NF1: variants seen among roughly 807,000 people sequenced by gnomAD.
NF1 encodes neurofibromin.
In NF1, 122 loss-of-function variants were observed where a neutral mutation model predicts 325.7. The ratio of observed to expected loss-of-function variants is 0.37; its 90% CI spans 0.32 to 0.44. The LOEUF (loss-of-function observed/expected upper bound fraction) is 0.44. Ranked by LOEUF, NF1 falls within the 20% of genes least tolerant of loss-of-function variation. The pLI is 1.00. For synonymous variants in NF1, 1,091 were observed against 1,186.0 expected (o/e 0.92, Z 1.65); for missense variants, 2,140 against 3,415.4 (o/e 0.63, Z 9.31).
intron 1 of NF1, chr17:31,133,084 A>C (rs993692404): frequency 6.6e-6 from 1 of 152,220 alleles, no homozygotes; most frequent in Non-Finnish European, 1.5e-5. Context: ...TAACCAATCT[A>C]CAGAACTCCC....
At chr17:31,349,757 T>C (rs2151573743) in intron 49 of NF1, among the ~76,000 whole-genome samples, 1 of 152,352 alleles carries the variant, frequency 6.6e-6, no homozygotes, top group African/African-American at 2.4e-5. Flanking sequence ...CTATTTGCTC[T>C]TATCTGATTT....
At chr17:31,341,498 G>T (rs1431359718) in intron 47 of NF1, among the ~76,000 whole-genome samples, 1 of 151,950 alleles carries the variant, frequency 6.6e-6, no homozygotes, top group African/African-American at 2.4e-5. Context: ...ACTCCAGCTT[G>T]GGCAACAGAG....
chr17:31,205,621 A>G (rs2066605948), intron 11 of NF1, among the ~76,000 whole-genome samples: 1 of 152,184 alleles, frequency 6.6e-6, no homozygotes, highest in South Asian at 2.1e-4. Context: ...ATATTTCACT[A>G]GGATCAGTTT....
intron 12 of NF1, among the ~76,000 whole-genome samples, chr17:31,212,664 C>T (rs372932632): frequency 3.3e-5 from 5 of 152,112 alleles, no homozygotes; most frequent in South Asian, 4.1e-4. Flanking sequence ...TAGCCGAGAT[C>T]GCGCCACTGC....
At chr17:31,330,683 A>C (rs1330549862) in intron 39 of NF1, 185 bp downstream of exon 39, 1 of 592,658 alleles carries the variant, frequency 1.7e-6, no homozygotes, top group Non-Finnish European at 2.9e-6. Context: ...GGTAGGCCAC[A>C]TTGAGAAATC....
intron 8 of NF1, chr17:31,183,385 T>G (rs1033436595): frequency 6.6e-6 from 1 of 152,414 alleles, no homozygotes; most frequent in Non-Finnish European, 1.5e-5. Context: ...ATGGAGATGT[T>G]CAGAATCAGC....
chr17:31,259,748 A>G (rs1413320495), intron 33 of NF1, among the ~76,000 whole-genome samples: 1 of 152,224 alleles, frequency 6.6e-6, no homozygotes, highest in Non-Finnish European at 1.5e-5. Flanking sequence ...GATAATTCAT[A>G]AGAAAGCGCT....
intron 36 of NF1, among the ~76,000 whole-genome samples, chr17:31,301,136 A>T (rs1475682312): frequency 6.6e-6 from 1 of 151,804 alleles, no homozygotes; most frequent in Non-Finnish European, 1.5e-5. Context: ...TCTGTGTGTA[A>T]TGCGCACTTG....
At chr17:31,340,269 A>G in intron 46 of NF1, 1 of 547,562 alleles carries the variant, frequency 1.8e-6, no homozygotes, top group Non-Finnish European at 3.2e-6. Flanking sequence ...GGATTTAGAA[A>G]TCAAAGAACA....
At chr17:31,325,091 A>C (rs781054877) in intron 36 of NF1, among the ~76,000 whole-genome samples, 3 of 152,154 alleles carry the variant, frequency 2.0e-5, no homozygotes, top group Non-Finnish European at 4.4e-5. Context: ...CATATGACCT[A>C]ATATGGCTTA....
intron 4 of NF1, among the ~76,000 whole-genome samples, chr17:31,168,373 A>G (rs1015216866): frequency 1.3e-5 from 2 of 152,218 alleles, no homozygotes; most frequent in Non-Finnish European, 2.9e-5. Flanking sequence ...ATCAAGAATC[A>G]TAATTCCTTA....
At chr17:31,124,895 C>G (rs1458699437) in intron 1 of NF1, among the ~76,000 whole-genome samples, 1 of 151,556 alleles carries the variant, frequency 6.6e-6, no homozygotes, top group Non-Finnish European at 1.5e-5. Context: ...GCCACCGTGC[C>G]TGGCCTTGAA....
Position 31,352,685 on chromosome 17 carries a change from C to T in NF1, c.7615+271C>T, listed in dbSNP as rs149020953. Among the ~76,000 whole-genome samples the T allele has an allele frequency of 4.5e-3, 685 of 151,996 alleles. 6 individuals are homozygous for T. Among genetic ancestry groups the T allele is most frequent in the African/African-American group, 0.016 (656 of 41,440 alleles). ...ATTTTGTTTTGCCTTTGCTGGCCAG[C>T]AGGGAATGGGACTCTGAGACATATT... is the stretch of plus-strand genomic sequence containing the variant. On this transcript the variant is annotated intron_variant, in intron 51 of 57. Transcript: ENST00000358273.
At chr17:31,335,295 T>TATATATATATATAA (rs2069630412) in intron 40 of NF1, among the ~76,000 whole-genome samples, 1 of 128,914 alleles carries the variant, frequency 7.8e-6, no homozygotes, top group African/African-American at 3.2e-5. Context: ...TATATATATA[T>TATATATATATATAA]AATTATGCCT....
At chr17:31,297,492 T>C (rs2068492028) in intron 36 of NF1, 1 of 152,348 alleles carries the variant, frequency 6.6e-6, no homozygotes, top group African/African-American at 2.4e-5. Flanking sequence ...CTCCTTTCTA[T>C]GTATTTGTCT....
At chr17:31,130,725 G>A (rs764821239) in intron 1 of NF1, among the ~76,000 whole-genome samples, 32 of 152,318 alleles carry the variant, frequency 2.1e-4, no homozygotes, top group Admixed American at 5.2e-4. Context: ...GTGTACTCAC[G>A]CTGGCTGCAG....
intron 57 of NF1, among the ~76,000 whole-genome samples, chr17:31,365,573 A>G (rs551340009): frequency 3.9e-5 from 6 of 152,268 alleles, no homozygotes; most frequent in African/African-American, 1.4e-4. Flanking sequence ...TTTAAATACA[A>G]GATTAATACT....
In NF1 at chr17:31,201,270, T is replaced by G. The variant is rs113514420; in HGVS notation, c.1185+111T>G. 45 of 1,503,382 alleles carry G rather than the reference T, an allele frequency of 3.0e-5. 2 individuals carry two copies. Among genetic ancestry groups the G allele is most frequent in the African/African-American group, 2.4e-4 (17 of 71,914 alleles). 93.1% of individuals were successfully genotyped at this position (1,503,382 alleles called of 1,614,324 possible). ...CTTTTATCGGTATTTCTCACTATTATGTATTGATGTTCGTTTCAAGACCTT... is the reference window on the plus strand; with the variant it reads ...CTTTTATCGGTATTTCTCACTATTAGGTATTGATGTTCGTTTCAAGACCTT... On this transcript the variant is annotated intron_variant, in intron 10 of 57. Transcript: ENST00000358273.
chr17:31,260,272 T>C, intron 33 of NF1, 97 bp from the exon 34 acceptor site: 1 of 1,240,948 alleles, frequency 8.1e-7, no homozygotes, highest in Non-Finnish European at 1.2e-6. Context: ...ATTTGTAATC[T>C]TAGTTACTTC....
Sources: allele counts gnomAD v4.1 joint callset (sites outside exome capture counted in the v4.1 genomes callset), GRCh38; gene constraint gnomAD v4.1.1; transcripts MANE v1.5; gene names NCBI Gene and HGNC (gene_info 2026-07-23, HGNC 2026-07-21).